The following ANKRD36 variants were observed in gnomAD, a reference collection of about 807,000 sequenced individuals.
The protein encoded by ANKRD36 is ankyrin repeat domain-containing protein 36A.
ANKRD36 carries 179 observed loss-of-function variants against 278.1 expected under a neutral mutation model. That is an observed-to-expected ratio of 0.64 (90% CI 0.57 to 0.73). ANKRD36 has a LOEUF of 0.73. Ranked by LOEUF, ANKRD36 falls within the 30% of genes least tolerant of loss-of-function variation. The pLI, the probability that ANKRD36 is intolerant of heterozygous loss-of-function variation, is 0.00. For synonymous variants in ANKRD36, 320 were observed against 641.1 expected, an observed-to-expected ratio of 0.50 and a Z score of 7.57; for missense variants, 1,159 against 1,956.7, an observed-to-expected ratio of 0.59 and a Z score of 7.69.
At chr2:97,260,347 G>GAGATAT (rs1322366503) in intron 75 of ANKRD36, among the ~76,000 whole-genome samples, 2 of 117,648 alleles carry the variant, frequency 1.7e-5, no homozygotes, top group Non-Finnish European at 3.4e-5. Flanking sequence ...TATTTTAAAA[G>GAGATAT]ATATATATAT....
chr2:97,161,569 G>A (rs1487638134), intron 17 of ANKRD36, among the ~76,000 whole-genome samples: 5 of 152,110 alleles, frequency 3.3e-5, no homozygotes, highest in South Asian at 2.1e-4. Context: ...CTTATGGCTG[G>A]ACCCTCATTA....
At position 97,200,476 on chromosome 2, in the gene ANKRD36, T is replaced by C. The variant is rs558055259; in HGVS notation, c.2808T>C (p.Ser936=). 2.5e-6 allele frequency: 4 copies of C among 1,587,716 alleles called. No homozygotes were observed. The East Asian group carries it at 6.9e-5, about 27-fold the overall frequency. ...AGGCCACAAGTGATGAGAAGGATTC[T>C]TTTTCGAATATAACCAGAGAAAAAA... ...SLEATSDEKD[S]FSNITREKKD... is the part of the protein sequence containing the mutation. The change falls in exon 46 of 76, where the codon TCT becomes TCC. Residue 936 remains serine (S), a synonymous_variant. Coordinates refer to ENST00000420699, the MANE Select transcript of ANKRD36 (RefSeq NM_001354587.1).
intron 6 of ANKRD36, among the ~76,000 whole-genome samples, chr2:97,128,352 G>A (rs1366364957): frequency 1.3e-5 from 2 of 151,886 alleles, no homozygotes; most frequent in Non-Finnish European, 2.9e-5. Context: ...AATGAGCAGT[G>A]GCTAGAGAAA....
chr2:97,179,283 GATCA>G (rs1190927265), intron 22 of ANKRD36, among the ~76,000 whole-genome samples: 4 of 151,542 alleles, frequency 2.6e-5, no homozygotes, highest in Non-Finnish European at 5.9e-5. Flanking sequence ...CCTTCTCACT[GATCA>G]ATCAAGTTAA....
chr2:97,194,738 A>C lies in ANKRD36; in HGVS notation c.2462A>C (p.Lys821Thr). Residue 821 changes from lysine to threonine, a missense_variant, in exon 39 of 76, where the codon AAA (lysine) becomes ACA (threonine). By Grantham distance (78) the Lys-to-Thr change is moderately conservative. Coordinates refer to ENST00000420699, the MANE Select transcript of ANKRD36 (RefSeq NM_001354587.1). ...GEKSRTVSSR[K>T]KPALKATSDE... is the part of the protein sequence containing the mutation. ...TTTTGCTTTTCAGTGTCTTCTCGGA[A>C]AAAACCAGCCTTGAAGGTAATGAAA... 3.1e-6 allele frequency: 5 copies of C among 1,604,770 alleles called. No individual in the cohort carries two copies. The highest frequency in any genetic ancestry group is 4.2e-6 in the Non-Finnish European group (5 of 1,178,504).
chr2:97,146,092 C>T (rs996202058), intron 10 of ANKRD36, among the ~76,000 whole-genome samples: 3 of 151,998 alleles, frequency 2.0e-5, no homozygotes, highest in African/African-American at 7.2e-5. Flanking sequence ...TCTCAGTCTC[C>T]TGAGTAGCTG....
At chr2:97,137,808 G>A (rs1223879779) in intron 6 of ANKRD36, among the ~76,000 whole-genome samples, 22 of 152,006 alleles carry the variant, frequency 1.4e-4, no homozygotes, top group Non-Finnish European at 3.1e-4. Context: ...TCTAAATGGC[G>A]CGAGATGGTA....
At position 97,211,568 on chromosome 2, in the gene ANKRD36, A is replaced by C. The variant is rs1339600413; in HGVS notation, c.3390A>C (p.Ala1130=). The C allele has an allele frequency of 2.5e-6, 4 of 1,606,786 alleles. No homozygotes were observed. The highest frequency in any genetic ancestry group is 4.5e-5 in the East Asian group (2 of 43,992). ...SRTVSSPKQP[A]LKAICDKEDS... is the part of the protein sequence containing the mutation. Reference sequence around the variant, plus strand: ...CAGTGTCTTCTCCGAAACAACCAGCATTGAAGGTAATTAAGCTCTCATTTA... The same window carrying C: ...CAGTGTCTTCTCCGAAACAACCAGCCTTGAAGGTAATTAAGCTCTCATTTA... Residue 1130 remains alanine (A), a synonymous_variant, in exon 57 of 76, where the codon GCA becomes GCC. Transcript: ENST00000420699.
chr2:97,185,770 AG>A (rs1182815518), intron 30 of ANKRD36, among the ~76,000 whole-genome samples: 1 of 151,792 alleles, frequency 6.6e-6, no homozygotes, highest in East Asian at 1.9e-4. Flanking sequence ...TAAGGGGTTC[AG>A]GGGACAGCAT....
intron 58 of ANKRD36, chr2:97,212,705 T>C (rs977071392): frequency 1.9e-5 from 3 of 156,170 alleles, no homozygotes; most frequent in African/African-American, 7.2e-5. Flanking sequence ...TGTAGAAATA[T>C]GTCAACATTG....
chr2:97,177,768 C>T (rs1476441069), intron 22 of ANKRD36, among the ~76,000 whole-genome samples: 1 of 151,826 alleles, frequency 6.6e-6, no homozygotes, highest in Non-Finnish European at 1.5e-5. Context: ...TAGGCATGGG[C>T]AAGGACTTCA....
At chr2:97,200,203 C>G in intron 44 of ANKRD36, 131 bp from the exon 45 acceptor site, 9 of 1,551,842 alleles carry the variant, frequency 5.8e-6, no homozygotes, top group Admixed American at 5.6e-5. Flanking sequence ...TCCCCAGACA[C>G]AAAGTAGAAG....
At chr2:97,202,501 G>C in intron 48 of ANKRD36, 108 bp downstream of exon 48, 1 of 1,475,910 alleles carries the variant, frequency 6.8e-7, no homozygotes, top group Non-Finnish European at 9.1e-7. Flanking sequence ...TTCTGATTCA[G>C]CAGGCTGGAG....
At position 97,181,946 on chromosome 2, in the gene ANKRD36, GGT is replaced by G. The variant is rs559678760; in HGVS notation, c.1837+154_1837+155del. On this transcript the variant is annotated intron_variant, in intron 26 of 75. Coordinates refer to ENST00000420699, the MANE Select transcript of ANKRD36 (RefSeq NM_001354587.1). ...GTTCTCAGGTGACACTGATGCTGCTGGTCTTCGACATGATCTTTGCAATAAGA... is the reference window on the plus strand; with the variant it reads ...GTTCTCAGGTGACACTGATGCTGCTGCTTCGACATGATCTTTGCAATAAGA... Among the ~76,000 whole-genome samples the G allele has an allele frequency of 1.8e-3, 271 of 151,580 alleles. 1 individual carries two copies. Among genetic ancestry groups the G allele is most frequent in the African/African-American group, 5.8e-3 (240 of 41,442 alleles).
chr2:97,227,299 C>A (rs1464527011), intron 67 of ANKRD36, among the ~76,000 whole-genome samples: 2 of 152,108 alleles, frequency 1.3e-5, no homozygotes, highest in African/African-American at 4.8e-5. Context: ...TCTTTTATTT[C>A]CTTGAGCAGT....
At chr2:97,195,565 T>G (rs1331042284) in intron 40 of ANKRD36, among the ~76,000 whole-genome samples, 12 of 152,014 alleles carry the variant, frequency 7.9e-5, no homozygotes, top group Admixed American at 2.0e-4. Context: ...AAATGACTCA[T>G]TACTCCTCTT....
intron 26 of ANKRD36, among the ~76,000 whole-genome samples, chr2:97,183,221 C>T (rs2056669378): frequency 6.6e-6 from 1 of 151,720 alleles, no homozygotes; most frequent in Non-Finnish European, 1.5e-5. Flanking sequence ...TTCAGTAATA[C>T]ACACATGATG....
At chr2:97,130,846 A>G (rs2153428504) in intron 6 of ANKRD36, among the ~76,000 whole-genome samples, 1 of 152,216 alleles carries the variant, frequency 6.6e-6, no homozygotes, top group East Asian at 1.9e-4. Flanking sequence ...ACAACTATAT[A>G]TGATTTTCTT....
rs929924159 is a variant in ANKRD36, at chr2:97,233,603, A to G, written c.3952-127A>G. 2.7e-6 allele frequency: 4 copies of G among 1,504,950 alleles called. No individual in the cohort carries two copies. In the African/African-American group the frequency reaches 5.6e-5, roughly 21 times the overall value. The allele number at this position is 1,504,950 out of a possible 1,614,324, so 93.2% of individuals were successfully genotyped here. On this transcript the variant is annotated intron_variant, in intron 67 of 75. Coordinates refer to ENST00000420699, the MANE Select transcript of ANKRD36 (RefSeq NM_001354587.1). ...TCAACATAAAGGAAATTGCTTAAAA[A>G]AAAAGTACGGAACAGGTACCTGTGT...
Sources: gnomAD v4.1 joint callset for allele counts (sites outside exome capture counted in the v4.1 genomes callset) on GRCh38, gnomAD v4.1.1 for gene constraint, MANE v1.5 for transcripts, NCBI Gene and HGNC (gene_info 2026-07-23, HGNC 2026-07-21) for gene names.